The following MGAM2 variants were observed in gnomAD, a reference collection of about 807,000 sequenced individuals.
The protein encoded by MGAM2 is probable maltase-glucoamylase 2.
A neutral mutation model predicts 96.1 loss-of-function variants in MGAM2; 98 were observed. That is an observed-to-expected ratio of 1.02 (90% CI 0.87 to 1.21). MGAM2 has a LOEUF of 1.21. Ranked by LOEUF, MGAM2 falls within the 50% of genes most tolerant of loss-of-function variation. The probability of loss-of-function intolerance (pLI) is 0.00; values close to 1 mark genes in which losing one functional copy is unlikely to be tolerated. For synonymous variants in MGAM2, 749 were observed against 414.8 expected (o/e 1.81, Z -9.79); for missense variants, 2,055 against 1,182.4 (o/e 1.74, Z -10.82).
At chr7:142,166,396 A>G in intron 25 of MGAM2, 143 bp downstream of exon 25, 2 of 523,224 alleles carry the variant, frequency 3.8e-6, no homozygotes, top group South Asian at 3.2e-5. Flanking sequence ...GGTCATCAGT[A>G]TTTTCCTCAG....
intron 17 of MGAM2, among the ~76,000 whole-genome samples, chr7:142,156,230 A>ATG (rs940941695): frequency 6.6e-6 from 1 of 151,958 alleles, no homozygotes; most frequent in Non-Finnish European, 1.5e-5. Context: ...GTGTATCTAT[A>ATG]TGTGTGTGTG....
chr7:142,205,758 C>A (rs1383602734), intron 45 of MGAM2, among the ~76,000 whole-genome samples: 1 of 152,070 alleles, frequency 6.6e-6, no homozygotes, highest in Non-Finnish European at 1.5e-5. Context: ...TTAGCAGGTG[C>A]CTCTTTTGAG....
chr7:142,218,727 G>A (rs896366382), intron 47 of MGAM2, among the ~76,000 whole-genome samples, 196 bp downstream of exon 47: 2 of 152,148 alleles, frequency 1.3e-5, no homozygotes, highest in Non-Finnish European at 2.9e-5. Context: ...AACATTAATG[G>A]TCTTTCCAGT....
intron 15 of MGAM2, among the ~76,000 whole-genome samples, chr7:142,149,224 C>T (rs1329148779): frequency 1.3e-4 from 16 of 121,004 alleles, no homozygotes; most frequent in East Asian, 9.5e-4. Flanking sequence ...AGTGAAACTC[C>T]GTCTCAAAAA....
intron 13 of MGAM2, 46 bp downstream of exon 13, chr7:142,143,928 G>C: frequency 1.4e-6 from 1 of 698,722 alleles, no homozygotes; most frequent in Non-Finnish European, 2.6e-6. Flanking sequence ...AACAGATAAC[G>C]CCAAATTTTC....
intron 2 of MGAM2, among the ~76,000 whole-genome samples, chr7:142,118,833 A>G (rs1248145567): frequency 6.6e-6 from 1 of 152,248 alleles, no homozygotes; most frequent in African/African-American, 2.4e-5. Flanking sequence ...CAACATATAT[A>G]AACATTGACT....
At chr7:142,212,683 A>G (rs1563298655) in intron 46 of MGAM2, among the ~76,000 whole-genome samples, 1 of 152,244 alleles carries the variant, frequency 6.6e-6, no homozygotes, top group African/African-American at 2.4e-5. Flanking sequence ...CACATTCATA[A>G]GGCAAGTCCT....
chr7:142,138,446 C>T, intron 9 of MGAM2, 96 bp from the exon 10 acceptor site: 1 of 626,364 alleles, frequency 1.6e-6, no homozygotes, highest in Admixed American at 2.7e-5. Context: ...TAGCAGATTA[C>T]TCTTAGCTCT....
At chr7:142,156,014 G>A (rs929745000) in intron 17 of MGAM2, among the ~76,000 whole-genome samples, 5 of 152,020 alleles carry the variant, frequency 3.3e-5, no homozygotes, top group East Asian at 1.9e-4. Flanking sequence ...GTGTGGTGGC[G>A]CATGCCTGTA....
At chr7:142,129,861 A>AAAAAAAAAAG (rs1794836428) in intron 3 of MGAM2, among the ~76,000 whole-genome samples, 1 of 122,838 alleles carries the variant, frequency 8.1e-6, no homozygotes, top group African/African-American at 3.4e-5. Context: ...AAAAAAAAAA[A>AAAAAAAAAAG]AAAAGAAATT....
intron 7 of MGAM2, among the ~76,000 whole-genome samples, chr7:142,134,595 A>G (rs1260302872): frequency 1.3e-5 from 2 of 152,138 alleles, no homozygotes; most frequent in Non-Finnish European, 2.9e-5. Flanking sequence ...CAGAAACGTC[A>G]GCGTTGGCAT....
At chr7:142,121,832 T>A (rs1376008885) in intron 3 of MGAM2, among the ~76,000 whole-genome samples, 1 of 151,902 alleles carries the variant, frequency 6.6e-6, no homozygotes, top group Admixed American at 6.6e-5. Flanking sequence ...ATAATTTTTC[T>A]TTGTATTAAT....
chr7:142,156,160 A>C lies in MGAM2; in HGVS notation c.1923+1315A>C, dbSNP rs140568837. Among the ~76,000 whole-genome samples, 283 of 152,204 alleles carry C rather than the reference A, an allele frequency of 1.9e-3. 2 individuals are homozygous for C. Among genetic ancestry groups the C allele is most frequent in the Middle Eastern group, 0.017 (5 of 294 alleles). Reference sequence around the variant, plus strand: ...AATTCCGTCTCAAAACAAAACAAAAAAAAAAACAAAGTACAAAGAAACAGG... The same window carrying C: ...AATTCCGTCTCAAAACAAAACAAAACAAAAAACAAAGTACAAAGAAACAGG... On this transcript the variant is annotated intron_variant, in intron 17 of 47. Coordinates refer to ENST00000477922, the MANE Select transcript of MGAM2 (RefSeq NM_001293626.2).
chr7:142,216,491 A>C lies in MGAM2; in HGVS notation c.5188-1870A>C, dbSNP rs568258413. ...AGAATAAGGGGCCTGAAATGAAAGA[A>C]AGATCGCAACTTTCCTTAGGGGATA... On this transcript the variant is annotated intron_variant, in intron 46 of 47. Transcript: ENST00000477922. Among the ~76,000 whole-genome samples the C allele has an allele frequency of 1.3e-3, 192 of 152,306 alleles. 1 individual carries two copies. Among genetic ancestry groups the C allele is most frequent in the African/African-American group, 4.5e-3 (188 of 41,568 alleles).
intron 29 of MGAM2, 110 bp from the exon 30 acceptor site, chr7:142,172,542 A>G (rs1796228056): frequency 1.7e-6 from 1 of 576,352 alleles, no homozygotes; most frequent in Non-Finnish European, 3.1e-6. Flanking sequence ...TTTCTAGAGA[A>G]GGCATGTATC....
chr7:142,158,171 G>T (rs1169319046), intron 18 of MGAM2, 77 bp from the exon 19 acceptor site: 5 of 700,322 alleles, frequency 7.1e-6, no homozygotes, highest in Non-Finnish European at 1.3e-5. Context: ...GGTTAGTTAG[G>T]ATCTTGTTGT....
In MGAM2 at chr7:142,219,905, C is replaced by T. The variant is rs550828943; in HGVS notation, c.5394C>T (p.Asn1798=). The change falls in exon 48 of 48, where the codon AAC becomes AAT. Residue 1798 remains asparagine, a synonymous_variant. Transcript: ENST00000477922. ...LTIQLTDKTI[N]LEKLTEVTWI... is the part of the protein sequence containing the mutation. Reference sequence around the variant, plus strand: ...TTCAATTGACTGACAAGACTATCAACCTGGAAAAGTTAACTGAGGTTACTT... The same window carrying T: ...TTCAATTGACTGACAAGACTATCAATCTGGAAAAGTTAACTGAGGTTACTT... 1 of 702,300 alleles carries T rather than the reference C, an allele frequency of 1.4e-6. No homozygotes were observed. The highest frequency in any genetic ancestry group is 1.5e-5 in the South Asian group (1 of 67,516). The allele number at this position is 702,300 out of a possible 1,614,324, so 43.5% of individuals were successfully genotyped here. A position where few individuals can be genotyped will look rare whatever the true frequency, so the allele number is the denominator to read the frequency against.
intron 45 of MGAM2, among the ~76,000 whole-genome samples, chr7:142,204,780 AAAAT>A (rs1172877139): frequency 6.6e-6 from 1 of 152,120 alleles, no homozygotes; most frequent in Non-Finnish European, 1.5e-5. Flanking sequence ...AAACAAAATG[AAAAT>A]AAATAAATAC....
intron 15 of MGAM2, among the ~76,000 whole-genome samples, chr7:142,152,457 T>C (rs79771960): frequency 0.066 from 10,013 of 152,078 alleles, 398 homozygotes; most frequent in East Asian, 0.15. Context: ...ATTGTCAGAA[T>C]GAAGCCCTTT....
Sources: allele counts gnomAD v4.1 joint callset (sites outside exome capture counted in the v4.1 genomes callset), GRCh38; gene constraint gnomAD v4.1.1; transcripts MANE v1.5; gene names NCBI Gene and HGNC (gene_info 2026-07-23, HGNC 2026-07-21).